CDH23: variants seen among roughly 807,000 people sequenced by gnomAD.
CDH23 encodes cadherin related 23.
A neutral mutation model predicts 317.1 loss-of-function variants in CDH23; 189 were observed. The ratio of observed to expected loss-of-function variants is 0.60; its 90% CI spans 0.53 to 0.67. The LOEUF is 0.67. Among genes scored for constraint, CDH23 ranks in the 30% least tolerant of loss-of-function variants. CDH23 has a pLI of 0.00. For synonymous variants in CDH23, 1,839 were observed against 1,876.8 expected, an observed-to-expected ratio of 0.98 and a Z score of 0.52; for missense variants, 4,401 against 4,592.4, an observed-to-expected ratio of 0.96 and a Z score of 1.20.
chr10:71,790,485 G>T, intron 46 of CDH23, 72 bp downstream of exon 46: 2 of 1,565,598 alleles, frequency 1.3e-6, no homozygotes, highest in Non-Finnish European at 1.7e-6. Flanking sequence ...CTGGATTGAG[G>T]GCCTCCCTTC....
chr10:71,735,517 T>A (rs955502519), intron 34 of CDH23, among the ~76,000 whole-genome samples: 4 of 152,094 alleles, frequency 2.6e-5, no homozygotes, highest in African/African-American at 9.7e-5. Flanking sequence ...CACTCAGCCA[T>A]CAATCTGGCC....
At position 71,493,992 on chromosome 10, in the gene CDH23, C is replaced by CT. The variant is rs1367364108; in HGVS notation, c.146-16087dup. 5.9e-5 allele frequency among the ~76,000 whole-genome samples: 9 copies of CT among 152,290 alleles called. No individual in the cohort carries two copies. The East Asian group carries it at 1.5e-3, about 26-fold the overall frequency. ...CCATGAATAGCAATCTATGATGATG[C>CT]TTTGTCATTTACAAGAGCTAGTGAA... On this transcript the variant is annotated intron_variant, in intron 3 of 69. Transcript: ENST00000224721.
chr10:71,426,023 C>G (rs980366554), intron 1 of CDH23, among the ~76,000 whole-genome samples: 8 of 152,092 alleles, frequency 5.3e-5, no homozygotes, highest in African/African-American at 1.9e-4. Flanking sequence ...TTTCTATTGA[C>G]TGGGGAGAAG....
intron 8 of CDH23, among the ~76,000 whole-genome samples, chr10:71,571,889 C>T (rs1421846912): frequency 3.3e-5 from 5 of 152,234 alleles, no homozygotes; most frequent in Admixed American, 3.3e-4. Flanking sequence ...CACAGGCTCA[C>T]AGAATTGAGT....
chr10:71,667,359 A>AGAGAGAGAGTGTGT (rs58361666), intron 14 of CDH23, among the ~76,000 whole-genome samples: 3,855 of 111,764 alleles, frequency 0.034, 110 homozygotes, highest in South Asian at 0.11. Context: ...AGAGAGAGAG[A>AGAGAGAGAGTGTGT]GTGTGTGTGT....
chr10:71,595,092 A>G (rs769750231), intron 9 of CDH23, among the ~76,000 whole-genome samples: 2 of 152,174 alleles, frequency 1.3e-5, no homozygotes, highest in Admixed American at 6.5e-5. Context: ...TTCTGTAAAT[A>G]GAGTTCAAAA....
At chr10:71,445,555 G>C (rs1177293835) in intron 2 of CDH23, among the ~76,000 whole-genome samples, 1 of 152,206 alleles carries the variant, frequency 6.6e-6, no homozygotes, top group East Asian at 1.9e-4. Flanking sequence ...AAAGTAAAAA[G>C]AGACAACGTG....
chr10:71,582,467 C>A (rs908609323), intron 9 of CDH23, among the ~76,000 whole-genome samples: 15 of 152,110 alleles, frequency 9.9e-5, no homozygotes, highest in African/African-American at 3.6e-4. Context: ...TTAATGTTAT[C>A]TATTTCTTTT....
At chr10:71,531,118 G>T (rs1481242136) in intron 6 of CDH23, among the ~76,000 whole-genome samples, 1 of 152,184 alleles carries the variant, frequency 6.6e-6, no homozygotes, top group Non-Finnish European at 1.5e-5. Flanking sequence ...TTGGGATAGG[G>T]TCTATGACAG....
intron 18 of CDH23, among the ~76,000 whole-genome samples, chr10:71,685,400 G>A (rs918338059): frequency 1.2e-4 from 18 of 152,224 alleles, no homozygotes; most frequent in African/African-American, 4.1e-4. Flanking sequence ...GGAGCATCTC[G>A]TTGTGCCTCA....
chr10:71,580,354 T>G (rs1049347939), intron 9 of CDH23, among the ~76,000 whole-genome samples: 2 of 152,024 alleles, frequency 1.3e-5, no homozygotes, highest in Admixed American at 6.6e-5. Context: ...AGACCCAGGA[T>G]TTGAAACCAC....
chr10:71,596,591 A>G (rs1859863031), intron 9 of CDH23, among the ~76,000 whole-genome samples: 1 of 152,216 alleles, frequency 6.6e-6, no homozygotes, highest in Non-Finnish European at 1.5e-5. Flanking sequence ...TCCACTGTAC[A>G]CAGACCCTTC....
In CDH23 at chr10:71,724,064, A is replaced by C; in HGVS notation, c.3389A>C (p.Asp1130Ala). Residue 1130 changes from aspartate to alanine, a missense_variant, in exon 29 of 70, where the codon GAT (aspartate) becomes GCT (alanine). By Grantham distance (126) the Asp-to-Ala change is moderately radical. Coordinates refer to ENST00000224721, the MANE Select transcript of CDH23 (RefSeq NM_022124.6). The part of the protein sequence containing the change: ...SILQLKATDA[D>A]EGEFGRVWYR... ...CCTCAGCTGAAAGCCACGGACGCAG[A>C]TGAGGGCGAGTTTGGGCGTGTGTGG... 6.4e-7 allele frequency: 1 copy of C among 1,560,870 alleles called. No individual in the cohort carries two copies. The highest frequency in any genetic ancestry group is 8.7e-7 in the Non-Finnish European group (1 of 1,152,042).
chr10:71,805,005 C>T (rs897935329), intron 55 of CDH23, among the ~76,000 whole-genome samples: 2 of 152,160 alleles, frequency 1.3e-5, no homozygotes, highest in African/African-American at 2.4e-5. Flanking sequence ...ATCTATATGT[C>T]GTCCTACTTG....
At chr10:71,576,029 T>C (rs998062480) in intron 8 of CDH23, among the ~76,000 whole-genome samples, 1 of 152,208 alleles carries the variant, frequency 6.6e-6, no homozygotes, top group Admixed American at 6.5e-5. Context: ...CCCATTGTCC[T>C]CCTGTCCTGG....
chr10:71,552,786 G>GTCTTCTGTCCCCCATCCAGGGC (rs1272947564), intron 6 of CDH23, among the ~76,000 whole-genome samples: 2 of 152,122 alleles, frequency 1.3e-5, no homozygotes, highest in East Asian at 1.9e-4. Flanking sequence ...CTGGTCCAGG[G>GTCTTCTGTCCCCCATCCAGGGC]TCTTCTGTCC....
At chr10:71,522,270 C>G (rs1854740106) in intron 6 of CDH23, among the ~76,000 whole-genome samples, 1 of 152,158 alleles carries the variant, frequency 6.6e-6, no homozygotes, top group South Asian at 2.1e-4. Context: ...AGAAGCAGAG[C>G]CTCACCAGCA....
chr10:71,678,892 T>C (rs1370343716), intron 16 of CDH23, among the ~76,000 whole-genome samples: 2 of 152,138 alleles, frequency 1.3e-5, no homozygotes, highest in Non-Finnish European at 2.9e-5. Flanking sequence ...AGAAACAAGG[T>C]TCCTGCTCAC....
intron 38 of CDH23, 63 bp from the exon 39 acceptor site, chr10:71,777,617 A>T (rs551611215): frequency 6.9e-7 from 1 of 1,457,954 alleles, no homozygotes; most frequent in East Asian, 2.5e-5. Flanking sequence ...GAGAACAGCC[A>T]TCTGGATCCA....
Sources: gnomAD v4.1 joint callset for allele counts (sites outside exome capture counted in the v4.1 genomes callset) on GRCh38, gnomAD v4.1.1 for gene constraint, MANE v1.5 for transcripts, NCBI Gene and HGNC (gene_info 2026-07-23, HGNC 2026-07-21) for gene names.